The following CFAP77 variants were observed in gnomAD, a reference collection of about 807,000 sequenced individuals.
The protein encoded by CFAP77 is cilia and flagella associated protein 77.
In CFAP77, 25 loss-of-function variants were observed where a neutral mutation model predicts 31.1. The observed-to-expected ratio is 0.80, with a 90% CI of 0.59 to 1.12. The LOEUF is 1.12. Among genes scored for constraint, CFAP77 ranks in the 50% most tolerant of loss-of-function variants. CFAP77 has a pLI of 0.00. For missense variants in CFAP77, 377 were observed against 397.3 expected (o/e 0.95, Z 0.44); for synonymous variants, 151 against 159.9 (o/e 0.94, Z 0.42).
intron 1 of CFAP77, among the ~76,000 whole-genome samples, chr9:132,453,251 G>A (rs138730617): frequency 0.015 from 2,251 of 152,300 alleles, 55 homozygotes; most frequent in African/African-American, 0.051. Flanking sequence ...TAGGCCGGGC[G>A]CAGTGGCTCA....
At chr9:132,519,022 A>G (rs953784784) in intron 3 of CFAP77, among the ~76,000 whole-genome samples, 4 of 152,122 alleles carry the variant, frequency 2.6e-5, no homozygotes, top group Non-Finnish European at 5.9e-5. Context: ...TTGTTGTCCC[A>G]AGGATTGAGG....
intron 1 of CFAP77, among the ~76,000 whole-genome samples, chr9:132,423,386 G>A (rs1423953880): frequency 6.6e-6 from 1 of 152,336 alleles, no homozygotes; most frequent in Non-Finnish European, 1.5e-5. Context: ...CATTTGATCA[G>A]CTGACGCTCC....
chr9:132,424,752 A>G lies in CFAP77; in HGVS notation c.195+14286A>G, dbSNP rs1388980606. ...TCCCACGGATGTTGGATTTCAGGTTATTCCAAACGTGCGCATCTGCCGGCC... is the reference window on the plus strand; with the variant it reads ...TCCCACGGATGTTGGATTTCAGGTTGTTCCAAACGTGCGCATCTGCCGGCC... On this transcript the variant is annotated intron_variant, in intron 1 of 5. Coordinates refer to ENST00000393216, the MANE Select transcript of CFAP77 (RefSeq NM_001282957.2). The surrounding 1 kb of genome is among the most constrained non-coding windows in gnomAD (Gnocchi z 4.1). Among the ~76,000 whole-genome samples the G allele has an allele frequency of 6.6e-6, 1 of 152,226 alleles. No individual in the cohort carries two copies. The highest frequency in any genetic ancestry group is 1.5e-5 in the Non-Finnish European group (1 of 68,036).
chr9:132,425,583 T>C (rs909485848), intron 1 of CFAP77, among the ~76,000 whole-genome samples: 3 of 151,906 alleles, frequency 2.0e-5, no homozygotes, highest in African/African-American at 7.3e-5. Flanking sequence ...TTGTGTTTTT[T>C]CCCCCCCGAA....
rs982642628 is a variant in CFAP77, at chr9:132,495,783, G to A, written c.196-2912G>A. ...ATTAGATCATGAAAGCAGAGCCCTT[G>A]TGATGGAATTTGTGCCCTTAAATGA... On this transcript the variant is annotated intron_variant, in intron 1 of 5. Transcript: ENST00000393216. The surrounding 1 kb of genome is among the most constrained non-coding windows in gnomAD (Gnocchi z 4.2). Among the ~76,000 whole-genome samples the A allele has an allele frequency of 2.6e-5, 4 of 152,206 alleles. No homozygotes were observed. Among genetic ancestry groups the A allele is most frequent in the African/African-American group, 9.6e-5 (4 of 41,466 alleles).
chr9:132,461,380 T>C (rs887255085), intron 1 of CFAP77, among the ~76,000 whole-genome samples: 1 of 152,216 alleles, frequency 6.6e-6, no homozygotes, highest in Non-Finnish European at 1.5e-5. Flanking sequence ...TAAAGACCCC[T>C]GGTACAGCCC....
rs1339981196 is a variant in CFAP77, at chr9:132,565,680, T to G, written c.733-6708T>G. Among the ~76,000 whole-genome samples, 1 of 151,894 alleles carries G rather than the reference T, an allele frequency of 6.6e-6. No homozygotes were observed. Among genetic ancestry groups the G allele is most frequent in the Non-Finnish European group, 1.5e-5 (1 of 67,952 alleles). On this transcript the variant is annotated intron_variant, in intron 5 of 5. Transcript: ENST00000393216. The surrounding 1 kb of genome is among the most constrained non-coding windows in gnomAD (Gnocchi z 4.1). ...TGTCTAAATGTCACAAACAATCACA[T>G]GTACAGTGTGTTTAGTGACCGCTTC... is the stretch of plus-strand genomic sequence containing the variant.
chr9:132,491,071 C>T (rs56802131), intron 1 of CFAP77, among the ~76,000 whole-genome samples: 8,774 of 152,146 alleles, frequency 0.058, 308 homozygotes, highest in South Asian at 0.098. Flanking sequence ...CGGTGCCTGC[C>T]TGGTGCCCTG....
At chr9:132,503,878 G>A (rs1171027551) in intron 3 of CFAP77, among the ~76,000 whole-genome samples, 3 of 152,080 alleles carry the variant, frequency 2.0e-5, no homozygotes, top group Non-Finnish European at 4.4e-5. Context: ...GTGAAACCTC[G>A]TCTCCACTAA....
Position 132,465,232 on chromosome 9 carries a change from GCTTTTGGGGAT to G in CFAP77, c.196-33458_196-33448del, listed in dbSNP as rs145092200. Among the ~76,000 whole-genome samples the G allele has an allele frequency of 2.7e-3, 412 of 152,230 alleles. 2 individuals are homozygous for G. Among genetic ancestry groups the G allele is most frequent in the African/African-American group, 9.2e-3 (383 of 41,528 alleles). On this transcript the variant is annotated intron_variant, in intron 1 of 5. Transcript: ENST00000393216. ...ACATATTCTTTTGCTTAATTCTCCA[GCTTTTGGGGAT>G]CTTTACTATGGAGTTCGATTTTGGG...
chr9:132,562,651 C>T (rs62578603), intron 5 of CFAP77, among the ~76,000 whole-genome samples: 1,766 of 152,274 alleles, frequency 0.012, 23 homozygotes, highest in Middle Eastern at 0.034. Flanking sequence ...TAGCCACTGG[C>T]CACTCAGGGC....
intron 5 of CFAP77, among the ~76,000 whole-genome samples, chr9:132,567,900 C>T (rs1413953073): frequency 6.6e-6 from 1 of 152,118 alleles, no homozygotes; most frequent in Non-Finnish European, 1.5e-5. Context: ...GGATTTAGGG[C>T]CCATCTGAAT....
intron 1 of CFAP77, among the ~76,000 whole-genome samples, chr9:132,468,478 C>CA (rs1357346703): frequency 6.6e-6 from 1 of 152,220 alleles, no homozygotes; most frequent in East Asian, 1.9e-4. Flanking sequence ...CCCCACCTGC[C>CA]AGCCCCTGCC....
chr9:132,415,368 C>T (rs1213350425), intron 1 of CFAP77, among the ~76,000 whole-genome samples: 1 of 152,158 alleles, frequency 6.6e-6, no homozygotes, highest in Non-Finnish European at 1.5e-5. Flanking sequence ...GAAACTAACC[C>T]CCCCGCCCAG....
At chr9:132,420,159 CAA>C (rs11302054) in intron 1 of CFAP77, among the ~76,000 whole-genome samples, 545 of 134,938 alleles carry the variant, frequency 4.0e-3, no homozygotes, top group Non-Finnish European at 4.6e-3. Context: ...AGACCTTGAC[CAA>C]AAAAAAAAAA....
chr9:132,482,091 ACT>A (rs1851457777), intron 1 of CFAP77, among the ~76,000 whole-genome samples: 1 of 152,070 alleles, frequency 6.6e-6, no homozygotes, highest in Non-Finnish European at 1.5e-5. Context: ...AGCTGTCAAA[ACT>A]TAAAACAGTT....
chr9:132,544,047 C>T (rs1471133157), intron 5 of CFAP77, among the ~76,000 whole-genome samples: 13 of 152,184 alleles, frequency 8.5e-5, no homozygotes, highest in Admixed American at 6.5e-4. Flanking sequence ...CAGCCAGGCC[C>T]GGCCGCTGTG....
intron 3 of CFAP77, among the ~76,000 whole-genome samples, chr9:132,507,762 A>C (rs1053277379): frequency 6.6e-6 from 1 of 152,172 alleles, no homozygotes; most frequent in Non-Finnish European, 1.5e-5. Flanking sequence ...GATCCGAGGC[A>C]GTTTCTGAAG....
chr9:132,482,175 CTTTCTT>C (rs1379229300), intron 1 of CFAP77: 12 of 594,412 alleles, frequency 2.0e-5, no homozygotes, highest in African/African-American at 1.5e-4. Flanking sequence ...CCTTTTCTCT[CTTTCTT>C]TCTTTCTTTT....
Sources: gnomAD v4.1 joint callset for allele counts (sites outside exome capture counted in the v4.1 genomes callset) on GRCh38, gnomAD v4.1.1 for gene constraint, Gnocchi (gnomAD v3.1) non-coding constraint, MANE v1.5 for transcripts, NCBI Gene and HGNC (gene_info 2026-07-23, HGNC 2026-07-21) for gene names.